The following CENPE variants were observed in gnomAD, a reference collection of about 807,000 sequenced individuals.
CENPE encodes centromere protein E.
A neutral mutation model predicts 336.1 loss-of-function variants in CENPE; 145 were observed. The ratio of observed to expected loss-of-function variants is 0.43; its 90% CI spans 0.38 to 0.50. The LOEUF (loss-of-function observed/expected upper bound fraction) is 0.50, where lower values mean the gene tolerates loss of function less well. Among genes scored for constraint, CENPE ranks in the 20% least tolerant of loss-of-function variants. The pLI is 0.00. For synonymous variants in CENPE, 1,013 were observed against 984.8 expected (o/e 1.03, Z -0.54); for missense variants, 2,719 against 3,023.3 (o/e 0.90, Z 2.36).
At chr4:103,187,565 G>C (rs562186671) in intron 8 of CENPE, among the ~76,000 whole-genome samples, 35 of 152,256 alleles carry the variant, frequency 2.3e-4, no homozygotes, top group Non-Finnish European at 4.4e-4. Flanking sequence ...ATAAGTGAAG[G>C]AGAAATAAAA....
In CENPE at chr4:103,140,743, C is replaced by T; in HGVS notation, c.5754+71G>A. On this transcript the variant is annotated intron_variant, in intron 36 of 48. Coordinates refer to ENST00000265148, the MANE Select transcript of CENPE (RefSeq NM_001813.3). ...TAGGTTTTAGTCACCAGACACAACG[C>T]TGCAGTGAACACTGTATTTTTGCCC... The T allele has an allele frequency of 6.3e-6, 8 of 1,277,634 alleles. No homozygotes were observed. In the South Asian group the frequency reaches 1.1e-4, roughly 17 times the overall value. 79.1% of individuals were successfully genotyped at this position (1,277,634 alleles called of 1,614,324 possible).
intron 16 of CENPE, among the ~76,000 whole-genome samples, chr4:103,166,492 C>T (rs1754931256): frequency 6.6e-6 from 1 of 152,100 alleles, no homozygotes; most frequent in African/African-American, 2.4e-5. Flanking sequence ...TAAATGAAAC[C>T]CTGTGGAGAA....
At chr4:103,127,175 C>T (rs1751196803) in intron 42 of CENPE, among the ~76,000 whole-genome samples, 1 of 146,268 alleles carries the variant, frequency 6.8e-6, no homozygotes, top group Non-Finnish European at 1.5e-5. Flanking sequence ...ATATCATATT[C>T]AAACTTCAGA....
chr4:103,109,915 A>G (rs183610376), intron 47 of CENPE, among the ~76,000 whole-genome samples: 1 of 152,202 alleles, frequency 6.6e-6, no homozygotes, highest in African/African-American at 2.4e-5. Flanking sequence ...TACCTCTGGC[A>G]CCTTGTCTTG....
Position 103,181,353 on chromosome 4 carries a change from T to C in CENPE, c.1067A>G (p.Lys356Arg). ...KRYRKEIMDL[K>R]KQLEEVSLET... ...CATACATACCTCCTCTAATTGTTTTTTAAGATCCATTATTTCTTTTCTATA... is the reference window on the plus strand; with the variant it reads ...CATACATACCTCCTCTAATTGTTTTCTAAGATCCATTATTTCTTTTCTATA... Residue 356 changes from lysine (K) to arginine (R), a missense_variant, in exon 12 of 49, where the codon AAA becomes AGA. Coordinates refer to ENST00000265148, the MANE Select transcript of CENPE (RefSeq NM_001813.3). 6.5e-7 allele frequency: 1 copy of C among 1,538,892 alleles called. No individual in the cohort carries two copies. The highest frequency in any genetic ancestry group is 8.8e-7 in the Non-Finnish European group (1 of 1,134,528).
Position 103,141,888 on chromosome 4 carries a change from T to G in CENPE, c.5325A>C (p.Glu1775Asp), listed in dbSNP as rs559203786. 5 of 1,598,870 alleles carry G rather than the reference T, an allele frequency of 3.1e-6. No individual in the cohort carries two copies. The South Asian group carries it at 3.4e-5, about 11-fold the overall frequency. Residue 1775 changes from glutamate (E) to aspartate (D), a missense_variant, in exon 35 of 49, where the codon GAA becomes GAC. This residue lies in a region of CENPE where 2,437 missense variants were observed against 2,513.3 expected (regional missense o/e 0.97). Transcript: ENST00000265148. ...TCAGATGCATGTGAGCAATTCTTAGTTCCTCTTGTATTTTCAGATCCTTTA... is the reference window on the plus strand; with the variant it reads ...TCAGATGCATGTGAGCAATTCTTAGGTCCTCTTGTATTTTCAGATCCTTTA... ...LKAQDLKIQE[E>D]LRIAHMHLKE...
chr4:103,174,945 A>G (rs1350916441), intron 15 of CENPE, 42 bp from the exon 16 acceptor site: 3 of 1,216,716 alleles, frequency 2.5e-6, no homozygotes, highest in Non-Finnish European at 3.3e-6. Context: ...GAAAATTCAA[A>G]TATTTTTTGT....
intron 16 of CENPE, among the ~76,000 whole-genome samples, chr4:103,167,461 AT>A (rs1463013849): frequency 1.3e-5 from 2 of 152,194 alleles, no homozygotes; most frequent in Non-Finnish European, 2.9e-5. Flanking sequence ...AATTTTCTAA[AT>A]TGTATATACA....
chr4:103,144,086 A>G (rs540405964), intron 33 of CENPE, among the ~76,000 whole-genome samples: 67 of 152,018 alleles, frequency 4.4e-4, no homozygotes, highest in African/African-American at 1.2e-3. Context: ...ACAGGCGCCC[A>G]CCACCACGCC....
chr4:103,160,536 A>T, intron 21 of CENPE, 89 bp downstream of exon 21: 1 of 1,130,212 alleles, frequency 8.8e-7, no homozygotes, highest in Non-Finnish European at 1.3e-6. Flanking sequence ...CTGCTAGTTT[A>T]AAATAAACTA....
In CENPE at chr4:103,140,222, G is replaced by C. The variant is rs753704336; in HGVS notation, c.5913+34C>G. 3 of 1,560,462 alleles carry C rather than the reference G, an allele frequency of 1.9e-6. No homozygotes were observed. The East Asian group carries it at 6.7e-5, about 35-fold the overall frequency. On this transcript the variant is annotated intron_variant, in intron 37 of 48. Transcript: ENST00000265148. ...AATTCCACAAATAATTTTGGGCACA[G>C]TTACTTCCAAAAGAAGAACAAAACA...
chr4:103,163,352 A>G lies in CENPE; in HGVS notation c.1723-96T>C, dbSNP rs374537026. The G allele has an allele frequency of 3.1e-6, 4 of 1,300,814 alleles. No homozygotes were observed. The Admixed American group carries it at 6.5e-5, about 21-fold the overall frequency. The allele number at this position is 1,300,814 out of a possible 1,614,324, so 80.6% of individuals were successfully genotyped here. A position where few individuals can be genotyped will look rare whatever the true frequency, so the allele number is the denominator to read the frequency against. ...ATATATATTAGTTTAAATTCATAGT[A>G]AAATTCAAAGTCACTAATATTTTAA... On this transcript the variant is annotated intron_variant, in intron 17 of 48. Transcript: ENST00000265148.
chr4:103,185,944 C>T, intron 8 of CENPE, 83 bp from the exon 9 acceptor site: 2 of 864,488 alleles, frequency 2.3e-6, no homozygotes, highest in East Asian at 5.0e-5. Flanking sequence ...ATTTTTAATA[C>T]ATGGTATATC....
Position 103,110,779 on chromosome 4 carries a change from T to C in CENPE, c.7724+49A>G, listed in dbSNP as rs1017445154. ...CGTGCATATACCATGTCCCTACATA[T>C]ATGTAATAGCCGTAAGCATAATATC... On this transcript the variant is annotated intron_variant, in intron 47 of 48. Coordinates refer to ENST00000265148, the MANE Select transcript of CENPE (RefSeq NM_001813.3). 6.3e-6 allele frequency: 9 copies of C among 1,417,536 alleles called. No individual in the cohort carries two copies. The East Asian group carries it at 7.0e-5, about 11-fold the overall frequency. The allele number at this position is 1,417,536 out of a possible 1,614,324, so 87.8% of individuals were successfully genotyped here. A position where few individuals can be genotyped will look rare whatever the true frequency, so the allele number is the denominator to read the frequency against.
chr4:103,154,438 CT>C lies in CENPE; in HGVS notation c.3034-1189del, dbSNP rs1375598859. On this transcript the variant is annotated intron_variant, in intron 24 of 48. Transcript: ENST00000265148. ...AATAATTTTTAGTAGCTGCTTGATT[CT>C]CTAGAGTAGATATAAACTGTACTTT... Among the ~76,000 whole-genome samples the C allele has an allele frequency of 2.0e-5, 3 of 152,152 alleles. No individual in the cohort carries two copies. In the East Asian group the frequency reaches 5.8e-4, roughly 29 times the overall value.
chr4:103,161,793 T>C (rs1364683844), intron 18 of CENPE, among the ~76,000 whole-genome samples: 2 of 152,040 alleles, frequency 1.3e-5, no homozygotes, highest in African/African-American at 4.8e-5. Flanking sequence ...CTTCAGCACA[T>C]GATAGGTAAG....
chr4:103,141,863 T>C lies in CENPE; in HGVS notation c.5350A>G (p.Lys1784Glu). 5 of 1,605,680 alleles carry C rather than the reference T, an allele frequency of 3.1e-6. No individual in the cohort carries two copies. The highest frequency in any genetic ancestry group is 4.3e-6 in the Non-Finnish European group (5 of 1,174,788). The change falls in exon 35 of 49, where the codon AAA becomes GAA. Residue 1784 changes from lysine to glutamate, a missense_variant. Physicochemically the swap from Lys to Glu is moderately conservative, Grantham distance 56. Transcript: ENST00000265148. Reference sequence around the variant, plus strand: ...TTGTCAATAGTTTCCTGCTGCTCTTTCAGATGCATGTGAGCAATTCTTAGT... The same window carrying C: ...TTGTCAATAGTTTCCTGCTGCTCTTCCAGATGCATGTGAGCAATTCTTAGT... ...EELRIAHMHL[K>E]EQQETIDKLR... is the part of the protein sequence containing the mutation.
At chr4:103,120,423 T>G (rs1373756561) in intron 43 of CENPE, 90 bp from the exon 44 acceptor site, 2 of 1,085,342 alleles carry the variant, frequency 1.8e-6, no homozygotes. Flanking sequence ...TATTTAGATA[T>G]TGTTAATTTT....
At chr4:103,181,009 T>G (rs1054792127) in intron 12 of CENPE, among the ~76,000 whole-genome samples, 3 of 152,176 alleles carry the variant, frequency 2.0e-5, no homozygotes, top group Non-Finnish European at 4.4e-5. Context: ...TGGTTCTAAG[T>G]AACTCTGTAG....
Sources: gnomAD v4.1 joint callset for allele counts (sites outside exome capture counted in the v4.1 genomes callset) on GRCh38, gnomAD v4.1.1 for gene constraint, gnomAD v4.1.1 regional missense constraint, MANE v1.5 for transcripts, NCBI Gene and HGNC (gene_info 2026-07-23, HGNC 2026-07-21) for gene names.